LIMD1: variants seen among roughly 807,000 people sequenced by gnomAD.
LIMD1 encodes the protein LIM domain-containing protein 1.
LIMD1 carries 23 observed loss-of-function variants against 58.4 expected under a neutral mutation model. That is an observed-to-expected ratio of 0.39 (90% CI 0.28 to 0.56). The LOEUF is 0.56. LIMD1 is among the 20% of genes least tolerant of loss of function. The pLI is 0.57. For missense variants in LIMD1, 838 were observed against 855.5 expected (o/e 0.98, Z 0.25); for synonymous variants, 334 against 345.5 (o/e 0.97, Z 0.37).
intron 2 of LIMD1, among the ~76,000 whole-genome samples, chr3:45,646,475 C>T (rs578193422): frequency 8.7e-4 from 133 of 152,328 alleles, no homozygotes; most frequent in Non-Finnish European, 1.2e-3. Context: ...CTTCAGTCCT[C>T]TGGCCTCTCT....
intron 1 of LIMD1, among the ~76,000 whole-genome samples, chr3:45,634,757 A>G (rs1341028752): frequency 6.6e-6 from 1 of 152,058 alleles, no homozygotes; most frequent in Non-Finnish European, 1.5e-5. Context: ...AGGCATGTTA[A>G]CTCTTTAGAA....
rs147202016 is a variant in LIMD1 at position 45,660,087 on chromosome 3, A to G, written c.1511-5563A>G. Among the ~76,000 whole-genome samples, 860 of 152,352 alleles carry G rather than the reference A, an allele frequency of 5.6e-3. 7 individuals are homozygous for G. Among genetic ancestry groups the G allele is most frequent in the African/African-American group, 0.02 (816 of 41,574 alleles). Reference sequence around the variant, plus strand: ...TACACAAAACGTTGATTTCCAGCTCAGATTCCTTAGAACTTGCTAACCCCA... The same window carrying G: ...TACACAAAACGTTGATTTCCAGCTCGGATTCCTTAGAACTTGCTAACCCCA... On this transcript the variant is annotated intron_variant, in intron 2 of 7. Transcript: ENST00000273317.
chr3:45,618,746 C>T (rs747094484), intron 1 of LIMD1, among the ~76,000 whole-genome samples: 7 of 151,938 alleles, frequency 4.6e-5, no homozygotes, highest in Admixed American at 6.6e-5. Flanking sequence ...GAAGCCACAA[C>T]GATGCCCGAG....
Position 45,635,732 on chromosome 3 carries a change from CAA to C in LIMD1, c.1409-391_1409-390del, listed in dbSNP as rs71095045. ...GGGCAACATATCAAGATCCCCGTCT[CAA>C]AAAAAAAAAAAAAAAAAAAAAAAAA... On this transcript the variant is annotated intron_variant, in intron 1 of 7. Transcript: ENST00000273317. Among the ~76,000 whole-genome samples the C allele has an allele frequency of 2.0e-3, 144 of 73,764 alleles. 1 individual carries two copies. The South Asian group carries it at 0.022, about 11-fold the overall frequency. The allele number at this position is 73,764 out of a possible 152,430, so 48.4% of individuals were successfully genotyped here.
intron 2 of LIMD1, among the ~76,000 whole-genome samples, chr3:45,640,497 A>C (rs1270400573): frequency 6.6e-6 from 1 of 152,048 alleles, no homozygotes; most frequent in Admixed American, 6.6e-5. Context: ...GCATGATCTC[A>C]GCCCACTGCA....
Position 45,596,073 on chromosome 3 carries a change from G to A in LIMD1, c.1194G>A (p.Glu398=), listed in dbSNP as rs1394948037. The stretch of plus-strand genomic sequence containing the variant: ...ATCCAGTGATGTCCACCCTGCCTGA[G>A]TTATCTTGTAAAGAGGGTCCCCTGG... ...LVHPVMSTLP[E]LSCKEGPLGW... The change falls in exon 1 of 8, where the codon GAG becomes GAA. Residue 398 remains glutamate, a synonymous_variant. Transcript: ENST00000273317. The A allele has an allele frequency of 6.2e-7, 1 of 1,614,228 alleles. No homozygotes were observed. Among genetic ancestry groups the A allele is most frequent in the African/African-American group, 1.3e-5 (1 of 75,054 alleles).
rs57816632 is a variant in LIMD1 at position 45,675,779 on chromosome 3, G to T, written c.1894-1143G>T. Among the ~76,000 whole-genome samples the T allele has an allele frequency of 2.5e-3, 388 of 152,258 alleles. 2 individuals carry two copies. Among genetic ancestry groups the T allele is most frequent in the African/African-American group, 9.0e-3 (375 of 41,544 alleles). On this transcript the variant is annotated intron_variant, in intron 7 of 7. Transcript: ENST00000273317. ...CTTAGCACTTTGGAAGGCCGAGGCAGGGGGATCACATGAGCCCAGGAGTTT... is the reference window on the plus strand; with the variant it reads ...CTTAGCACTTTGGAAGGCCGAGGCATGGGGATCACATGAGCCCAGGAGTTT...
In LIMD1 at chr3:45,672,673, CT is replaced by C. The variant is rs1267202149; in HGVS notation, c.1642-15del. The C allele has an allele frequency of 1.2e-6, 2 of 1,613,110 alleles. No homozygotes were observed. The highest frequency in any genetic ancestry group is 1.7e-6 in the Non-Finnish European group (2 of 1,179,632). On this transcript the variant is annotated splice_polypyrimidine_tract_variant and intron_variant, in intron 4 of 7. Coordinates refer to ENST00000273317, the MANE Select transcript of LIMD1 (RefSeq NM_014240.3). ...TCCTTCCCTATAATCCCCACTGAGT[CT>C]TGGTCTCTGCTCCAGATCCTGCAAG...
At chr3:45,661,330 G>A (rs1697434554) in intron 2 of LIMD1, among the ~76,000 whole-genome samples, 1 of 152,092 alleles carries the variant, frequency 6.6e-6, no homozygotes, top group African/African-American at 2.4e-5. Flanking sequence ...ATGTGAGTGT[G>A]TTCATAACTG....
chr3:45,617,507 C>G (rs1041222207), intron 1 of LIMD1, among the ~76,000 whole-genome samples: 1 of 152,218 alleles, frequency 6.6e-6, no homozygotes, highest in Non-Finnish European at 1.5e-5. Flanking sequence ...ACGCCAGGCT[C>G]ATGACTGCAT....
rs556575400 is a variant in LIMD1, at chr3:45,684,260, A to G, written c.*7201A>G. The G allele has an allele frequency of 1.3e-5, 2 of 152,318 alleles. No individual in the cohort carries two copies. Among genetic ancestry groups the G allele is most frequent in the African/African-American group, 4.8e-5 (2 of 41,554 alleles). The allele number at this position is 152,318 out of a possible 1,614,324, so 9.4% of individuals were successfully genotyped here. ...GGTCACATACATGTCCCTCCAACTA[A>G]TCCTAGCTCTCAAGGACAGGTGGTT... On this transcript the variant is annotated 3_prime_UTR_variant, in exon 8 of 8. Coordinates refer to ENST00000273317, the MANE Select transcript of LIMD1 (RefSeq NM_014240.3).
chr3:45,610,121 G>A (rs944297486), intron 1 of LIMD1, among the ~76,000 whole-genome samples: 1 of 152,164 alleles, frequency 6.6e-6, no homozygotes, highest in African/African-American at 2.4e-5. Flanking sequence ...GAACCCGGGA[G>A]GCGAGTGAGC....
At chr3:45,636,342 C>T (rs1701788934) in intron 2 of LIMD1, 91 bp downstream of exon 2, 7 of 1,001,830 alleles carry the variant, frequency 7.0e-6, no homozygotes, top group South Asian at 6.7e-5. Flanking sequence ...TTTCTGGAGA[C>T]GGTTGGTCCA....
chr3:45,595,988 C>A lies in LIMD1; in HGVS notation c.1109C>A (p.Pro370Gln), dbSNP rs765330772. ...CAGGGTGCGGTCCCTGGGCTGGGGC[C>A]GAAGCCTGGCTGCACAGACCTTGGC... ...SQQGAVPGLG[P>Q]KPGCTDLGTG... The change falls in exon 1 of 8, where the codon CCG (proline) becomes CAG (glutamine). Residue 370 changes from proline (P) to glutamine (Q), a missense_variant. Physicochemically the swap from Pro to Gln is moderately conservative, Grantham distance 76 (BLOSUM62 -1). Coordinates refer to ENST00000273317, the MANE Select transcript of LIMD1 (RefSeq NM_014240.3). 2 of 1,614,192 alleles carry A rather than the reference C, an allele frequency of 1.2e-6. No individual in the cohort carries two copies. The highest frequency in any genetic ancestry group is 2.2e-5 in the South Asian group (2 of 91,088).
chr3:45,675,294 C>T (rs1363451989), intron 7 of LIMD1, among the ~76,000 whole-genome samples: 2 of 152,144 alleles, frequency 1.3e-5, no homozygotes, highest in African/African-American at 4.8e-5. Flanking sequence ...CTTTGGGAGG[C>T]CAAGGCCGGC....
intron 1 of LIMD1, among the ~76,000 whole-genome samples, chr3:45,628,738 A>G (rs924457280): frequency 6.6e-6 from 1 of 152,244 alleles, no homozygotes; most frequent in Non-Finnish European, 1.5e-5. Context: ...TATTTGTAAT[A>G]GCCTCAAACT....
intron 1 of LIMD1, among the ~76,000 whole-genome samples, chr3:45,614,400 A>G (rs1272620569): frequency 1.5e-5 from 2 of 135,360 alleles, no homozygotes; most frequent in Non-Finnish European, 3.2e-5. Context: ...GGTGGCGGGC[A>G]CCTGTAGTTA....
Position 45,684,581 on chromosome 3 carries a change from C to T in LIMD1, c.*7522C>T, listed in dbSNP as rs763416064. On this transcript the variant is annotated 3_prime_UTR_variant, in exon 8 of 8. Transcript: ENST00000273317. ...AGGACTCCGAATGGATCTCCCCATT[C>T]CTGGCGGGAAGCAGACTGATATATA... 1.3e-5 allele frequency: 2 copies of T among 152,188 alleles called. No homozygotes were observed. Among genetic ancestry groups the T allele is most frequent in the Non-Finnish European group, 2.9e-5 (2 of 68,060 alleles). The allele number at this position is 152,188 out of a possible 1,614,324, so 9.4% of individuals were successfully genotyped here. A position where few individuals can be genotyped will look rare whatever the true frequency, so the allele number is the denominator to read the frequency against.
rs564856458 is a variant in LIMD1 at position 45,637,339 on chromosome 3, G to C, written c.1510+1088G>C. 1.3e-4 allele frequency among the ~76,000 whole-genome samples: 20 copies of C among 150,240 alleles called. 1 individual carries two copies. The highest frequency in any genetic ancestry group is 1.3e-3 in the Admixed American group (20 of 15,084). Reference sequence around the variant, plus strand: ...TTTGTCACCCAGGCTGGAGTGCAGTGGTGCTATCTCAGCTCACTGCAACCT... The same window carrying C: ...TTTGTCACCCAGGCTGGAGTGCAGTCGTGCTATCTCAGCTCACTGCAACCT... On this transcript the variant is annotated intron_variant, in intron 2 of 7. Coordinates refer to ENST00000273317, the MANE Select transcript of LIMD1 (RefSeq NM_014240.3).
Sources: allele counts gnomAD v4.1 joint callset (sites outside exome capture counted in the v4.1 genomes callset), GRCh38; gene constraint gnomAD v4.1.1; transcripts MANE v1.5; gene names NCBI Gene and HGNC (gene_info 2026-07-23, HGNC 2026-07-21).